PAX7: variants seen among roughly 807,000 people sequenced by gnomAD.
PAX7 encodes paired box protein Pax-7.
A neutral mutation model predicts 50.7 loss-of-function variants in PAX7; 18 were observed. The ratio of observed to expected loss-of-function variants is 0.36; its 90% CI spans 0.25 to 0.53. The LOEUF (loss-of-function observed/expected upper bound fraction) is 0.53, where lower values mean the gene tolerates loss of function less well. PAX7 is among the 20% of genes least tolerant of loss of function. The probability of loss-of-function intolerance (pLI) is 0.93; values close to 1 mark genes in which losing one functional copy is unlikely to be tolerated. For missense variants in PAX7, 644 were observed against 702.9 expected (o/e 0.92, Z 0.95); for synonymous variants, 310 against 290.4 (o/e 1.07, Z -0.69).
chr1:18,700,065 GT>G lies in PAX7; in HGVS notation c.787-585del, dbSNP rs1308466025. Reference sequence around the variant, plus strand: ...AATGTTGGGTTATTATCCCACTAATGTTTGATAAATCCGTGTGTGTGTGTGT... The same window carrying G: ...AATGTTGGGTTATTATCCCACTAATGTTGATAAATCCGTGTGTGTGTGTGT... On this transcript the variant is annotated intron_variant, in intron 5 of 8. Coordinates refer to ENST00000420770, the MANE Select transcript of PAX7 (RefSeq NM_001135254.2). The surrounding 1 kb of genome is among the most constrained non-coding windows in gnomAD (Gnocchi z 4.8). 1.4e-5 allele frequency among the ~76,000 whole-genome samples: 2 copies of G among 147,470 alleles called. No individual in the cohort carries two copies. The highest frequency in any genetic ancestry group is 3.0e-5 in the Non-Finnish European group (2 of 67,534).
At chr1:18,685,337 G>C (rs921591663) in intron 4 of PAX7, among the ~76,000 whole-genome samples, 3 of 152,212 alleles carry the variant, frequency 2.0e-5, no homozygotes, top group African/African-American at 7.2e-5. Flanking sequence ...GAGAGACTTT[G>C]CCAAGCTCTG....
At chr1:18,666,599 G>T (rs1224022885) in intron 4 of PAX7, among the ~76,000 whole-genome samples, 1 of 152,210 alleles carries the variant, frequency 6.6e-6, no homozygotes, top group African/African-American at 2.4e-5. Flanking sequence ...GCCAGCCAGT[G>T]ATTGTGGGCA....
chr1:18,671,786 A>G (rs2088753182), intron 4 of PAX7, among the ~76,000 whole-genome samples: 1 of 150,934 alleles, frequency 6.6e-6, no homozygotes, highest in African/African-American at 2.5e-5. Flanking sequence ...GAGCTGGCAT[A>G]GCAAGACCCT....
chr1:18,633,150 T>C (rs1570096381), intron 1 of PAX7, among the ~76,000 whole-genome samples: 1 of 150,848 alleles, frequency 6.6e-6, no homozygotes, highest in Non-Finnish European at 1.5e-5. Flanking sequence ...CAAAGAGAGG[T>C]GGGGGGACCG....
In PAX7 at chr1:18,631,572, C is replaced by T. The variant is rs996245259; in HGVS notation, c.-32C>T. The stretch of plus-strand genomic sequence containing the variant: ...GGAGCGGACGGGAAGCGATTTTTGC[C>T]GACTTTGGATTCGTCCCCGGCGTGC... On this transcript the variant is annotated 5_prime_UTR_variant, in exon 1 of 9. Transcript: ENST00000420770. 6.3e-7 allele frequency: 1 copy of T among 1,595,458 alleles called. No individual in the cohort carries two copies. Among genetic ancestry groups the T allele is most frequent in the Non-Finnish European group, 8.6e-7 (1 of 1,168,008 alleles).
At chr1:18,717,013 C>G (rs1347934011) in intron 7 of PAX7, among the ~76,000 whole-genome samples, 7 of 151,698 alleles carry the variant, frequency 4.6e-5, no homozygotes, top group Non-Finnish European at 8.8e-5. Flanking sequence ...TGGGGGGATC[C>G]GCGCGGCCGC....
intron 7 of PAX7, among the ~76,000 whole-genome samples, chr1:18,730,174 C>T (rs1483176119): frequency 3.9e-5 from 6 of 152,182 alleles, no homozygotes; most frequent in African/African-American, 1.2e-4. Flanking sequence ...CTTACAATAA[C>T]TCTCTAGGTA....
In PAX7 at chr1:18,703,162, G is replaced by A. The variant is rs371037800; in HGVS notation, c.1021G>A (p.Ala341Thr). ...CACCATGCACCAGGGCGGGCTGGCT[G>A]CAGCGGCTGCAGCCGCCGACACCAG... ...PSTMHQGGLA[A>T]AAAAADTSSA... Residue 341 changes from alanine (A) to threonine (T), a missense_variant, in exon 7 of 9, where the codon GCA (alanine) becomes ACA (threonine). By Grantham distance (58) the Ala-to-Thr change is moderately conservative. Transcript: ENST00000420770. 9.3e-6 allele frequency: 15 copies of A among 1,611,526 alleles called. No individual in the cohort carries two copies. In the African/African-American group the frequency reaches 1.5e-4, roughly 16 times the overall value.
intron 1 of PAX7, among the ~76,000 whole-genome samples, chr1:18,633,196 C>T (rs1448756216): frequency 6.6e-6 from 1 of 152,172 alleles, no homozygotes; most frequent in Admixed American, 6.5e-5. Flanking sequence ...AACGGCCCAG[C>T]AGCGGAGCCT....
rs777288492 is a variant in PAX7 at position 18,634,314 on chromosome 1, C to T, written c.97C>T (p.Leu33Phe). 6 of 1,613,806 alleles carry T rather than the reference C, an allele frequency of 3.7e-6. No individual in the cohort carries two copies. The highest frequency in any genetic ancestry group is 4.2e-6 in the Non-Finnish European group (5 of 1,179,950). Residue 33 changes from leucine to phenylalanine, a missense_variant, in exon 2 of 9, where the codon CTT becomes TTT. By Grantham distance (22) the Leu-to-Phe change is conservative. Transcript: ENST00000420770. This position sits in a 1 kb window ranked among gnomAD's most constrained non-coding sequence, Gnocchi z 4.0. ...TGFPLEVSTP[L>F]GQGRVNQLGG... Reference sequence around the variant, plus strand: ...CCTCCCTTCTCCAGTGTCCACCCCGCTTGGCCAAGGCCGGGTCAATCAGCT... The same window carrying T: ...CCTCCCTTCTCCAGTGTCCACCCCGTTTGGCCAAGGCCGGGTCAATCAGCT...
rs1336935525 is a variant in PAX7 at position 18,636,286 on chromosome 1, AGAG to A, written c.510_512del (p.Glu170del). On this transcript the variant is annotated inframe_deletion, in exon 4 of 9. Coordinates refer to ENST00000420770, the MANE Select transcript of PAX7 (RefSeq NM_001135254.2). This position sits in a 1 kb window ranked among gnomAD's most constrained non-coding sequence, Gnocchi z 5.1. ...TGCTCAGAATCAAGTTCGGGAAGAA[AGAG>A]GAGGAGGATGAAGCGGACAAGAAGG... 1.2e-6 allele frequency: 2 copies of A among 1,614,206 alleles called. No individual in the cohort carries two copies. The highest frequency in any genetic ancestry group is 1.7e-6 in the Non-Finnish European group (2 of 1,180,014).
intron 5 of PAX7, among the ~76,000 whole-genome samples, chr1:18,692,388 A>G (rs993770876): frequency 2.0e-5 from 3 of 152,148 alleles, no homozygotes; most frequent in Non-Finnish European, 4.4e-5. Flanking sequence ...CTAAAAACAC[A>G]AAAATTAGCT....
At chr1:18,744,074 C>T (rs12066169) in intron 8 of PAX7, among the ~76,000 whole-genome samples, 2,017 of 152,258 alleles carry the variant, frequency 0.013, 41 homozygotes, top group African/African-American at 0.046. Context: ...CAGCTCCCTG[C>T]GTATCTGTGT....
rs1931539501 is a variant in PAX7, at chr1:18,748,457, A to G, written c.*3528A>G. Reference sequence around the variant, plus strand: ...GCAGAGGCACCAAAACCAAGACCAAATGGGGGTTCTCTAGCCGCCAACTTG... The same window carrying G: ...GCAGAGGCACCAAAACCAAGACCAAGTGGGGGTTCTCTAGCCGCCAACTTG... On this transcript the variant is annotated 3_prime_UTR_variant, in exon 9 of 9. Transcript: ENST00000420770. 1 of 231,880 alleles carries G rather than the reference A, an allele frequency of 4.3e-6. No homozygotes were observed. The highest frequency in any genetic ancestry group is 8.5e-6 in the Non-Finnish European group (1 of 117,278). 14.4% of individuals were successfully genotyped at this position (231,880 alleles called of 1,614,324 possible). A position where few individuals can be genotyped will look rare whatever the true frequency, so the allele number is the denominator to read the frequency against.
chr1:18,642,421 G>T (rs543153780), intron 4 of PAX7, among the ~76,000 whole-genome samples: 2 of 152,298 alleles, frequency 1.3e-5, no homozygotes, highest in East Asian at 3.9e-4. Context: ...CCTGCACAGA[G>T]GAGAGACCCC....
intron 7 of PAX7, among the ~76,000 whole-genome samples, chr1:18,727,363 C>CTCTG (rs1316823970): frequency 5.8e-5 from 7 of 121,202 alleles, no homozygotes; most frequent in African/African-American, 2.4e-4. Flanking sequence ...CTCTCTCTCT[C>CTCTG]TCTCTCATAC....
chr1:18,680,409 A>G (rs549766913), intron 4 of PAX7, among the ~76,000 whole-genome samples: 2 of 152,242 alleles, frequency 1.3e-5, no homozygotes, highest in Admixed American at 1.3e-4. Flanking sequence ...GGTGGCTGGC[A>G]GGCTGGCCAG....
At position 18,631,493 on chromosome 1, in the gene PAX7, TA is replaced by T. The variant is rs1251890921; in HGVS notation, c.-103del. ...TGTGTGGAGGGGAGGGAGAAGAGGT[TA>T]AAAAAAAGAAGACGAAGAAGACGGA... On this transcript the variant is annotated 5_prime_UTR_variant, in exon 1 of 9. Coordinates refer to ENST00000420770, the MANE Select transcript of PAX7 (RefSeq NM_001135254.2). 8.3e-5 allele frequency: 76 copies of T among 916,256 alleles called. No homozygotes were observed. The highest frequency in any genetic ancestry group is 1.1e-4 in the Non-Finnish European group (61 of 577,584). The allele number at this position is 916,256 out of a possible 1,614,324, so 56.8% of individuals were successfully genotyped here.
intron 4 of PAX7, among the ~76,000 whole-genome samples, chr1:18,637,808 G>T (rs1042283875): frequency 6.6e-6 from 1 of 152,250 alleles, no homozygotes; most frequent in African/African-American, 2.4e-5. Flanking sequence ...TAGTGATGCC[G>T]CAGTCCCGCC....
Sources: gnomAD v4.1 joint callset for allele counts (sites outside exome capture counted in the v4.1 genomes callset) on GRCh38, gnomAD v4.1.1 for gene constraint, Gnocchi (gnomAD v3.1) non-coding constraint, MANE v1.5 for transcripts, NCBI Gene and HGNC (gene_info 2026-07-23, HGNC 2026-07-21) for gene names.